The following CREB5 variants were observed in gnomAD, a reference collection of about 807,000 sequenced individuals.
CREB5 encodes cyclic AMP-responsive element-binding protein 5.
In CREB5, 19 loss-of-function variants were observed where a neutral mutation model predicts 57.1. The observed-to-expected ratio is 0.33, with a 90% CI of 0.23 to 0.49. The LOEUF (loss-of-function observed/expected upper bound fraction) is 0.49. Among genes scored for constraint, CREB5 ranks in the 20% least tolerant of loss-of-function variants. The pLI, the probability that CREB5 is intolerant of heterozygous loss-of-function variation, is 0.99. For synonymous variants in CREB5, 238 were observed against 238.3 expected, an observed-to-expected ratio of 1.00 and a Z score of 0.01; for missense variants, 579 against 671.6, an observed-to-expected ratio of 0.86 and a Z score of 1.52.
chr7:28,561,021 T>TGC (rs1230186047), intron 4 of CREB5, among the ~76,000 whole-genome samples: 572 of 43,120 alleles, frequency 0.013, 18 homozygotes, highest in Non-Finnish European at 0.016. Context: ...TGTGTGCGTG[T>TGC]GTGCGTGTGT....
chr7:28,323,222 C>A (rs1252741374), intron 1 of CREB5, among the ~76,000 whole-genome samples: 2 of 152,204 alleles, frequency 1.3e-5, no homozygotes, highest in African/African-American at 2.4e-5. Context: ...TATGTGCCTG[C>A]ACTTGGTTGG....
At chr7:28,345,370 G>T (rs920933073) in intron 1 of CREB5, among the ~76,000 whole-genome samples, 54 of 150,436 alleles carry the variant, frequency 3.6e-4, no homozygotes, top group African/African-American at 1.2e-3. Flanking sequence ...GACAAGTATT[G>T]TTTCCAACCA....
At chr7:28,345,689 A>G (rs573515644) in intron 1 of CREB5, among the ~76,000 whole-genome samples, 1 of 152,310 alleles carries the variant, frequency 6.6e-6, no homozygotes, top group East Asian at 1.9e-4. Flanking sequence ...GATGGTTAGC[A>G]CTGGGCAAGT....
intron 7 of CREB5, among the ~76,000 whole-genome samples, chr7:28,745,935 C>T (rs889411190): frequency 1.3e-5 from 2 of 152,206 alleles, no homozygotes; most frequent in African/African-American, 4.8e-5. Flanking sequence ...ACACGCACTT[C>T]CTCCAAGAAC....
At chr7:28,568,841 C>T (rs1795583957) in intron 4 of CREB5, among the ~76,000 whole-genome samples, 1 of 152,182 alleles carries the variant, frequency 6.6e-6, no homozygotes. Flanking sequence ...TATGTTATCA[C>T]CATCGTTTAA....
intron 5 of CREB5, among the ~76,000 whole-genome samples, chr7:28,607,777 GTGTGTGT>G (rs1797203093): frequency 7.5e-6 from 1 of 133,050 alleles, no homozygotes; most frequent in East Asian, 2.0e-4. Flanking sequence ...GTGTGTGTGT[GTGTGTGT>G]GTGTGTGTGT....
At chr7:28,371,695 G>C (rs1268350027) in intron 1 of CREB5, among the ~76,000 whole-genome samples, 1 of 152,078 alleles carries the variant, frequency 6.6e-6, no homozygotes, top group Admixed American at 6.5e-5. Context: ...CCCTCTTTTG[G>C]TCCTCCAGAT....
At chr7:28,529,780 C>T (rs945454329) in intron 4 of CREB5, among the ~76,000 whole-genome samples, 4 of 152,150 alleles carry the variant, frequency 2.6e-5, no homozygotes, top group Admixed American at 2.6e-4. Flanking sequence ...TCATGTTTTG[C>T]TTGTTTGTTT....
At chr7:28,556,881 T>C (rs964886135) in intron 4 of CREB5, among the ~76,000 whole-genome samples, 3 of 152,326 alleles carry the variant, frequency 2.0e-5, no homozygotes, top group African/African-American at 7.2e-5. Context: ...GTTGGCTGCT[T>C]TCTTTGACCA....
upstream of CREB5, chr7:28,409,793 GGAGCCGGCGCC>G (rs745699577): frequency 2.2e-6 from 1 of 446,556 alleles, no homozygotes; most frequent in South Asian, 1.6e-5. The surrounding 1 kb of genome is among the most constrained non-coding windows in gnomAD (Gnocchi z 4.4). Flanking sequence ...ATGCTAACGT[GGAGCCGGCGCC>G]GAGTCCGCCC....
intron 5 of CREB5, among the ~76,000 whole-genome samples, chr7:28,584,460 C>T (rs909282024): frequency 6.6e-6 from 1 of 152,054 alleles, no homozygotes; most frequent in African/African-American, 2.4e-5. Context: ...GACTCAGAGA[C>T]ACACAGGGAG....
At chr7:28,745,719 G>C (rs1290409395) in intron 7 of CREB5, among the ~76,000 whole-genome samples, 1 of 152,204 alleles carries the variant, frequency 6.6e-6, no homozygotes, top group Non-Finnish European at 1.5e-5. Context: ...CAACAGGCCG[G>C]AGCTGTCTAG....
chr7:28,420,824 A>AAAT (rs1645209762), intron 1 of CREB5, among the ~76,000 whole-genome samples: 1 of 150,296 alleles, frequency 6.7e-6, no homozygotes, highest in Admixed American at 6.6e-5. Context: ...AAAAAAAAAA[A>AAAT]AAAAAGGTTA....
chr7:28,309,961 T>TGG (rs34424899), intron 1 of CREB5, among the ~76,000 whole-genome samples: 84 of 151,832 alleles, frequency 5.5e-4, no homozygotes, highest in Non-Finnish European at 1.1e-3. Context: ...AAGGGCTAAG[T>TGG]GGGGGGTCCA....
chr7:28,793,779 G>C (rs1807867651), intron 7 of CREB5, among the ~76,000 whole-genome samples: 2 of 152,212 alleles, frequency 1.3e-5, no homozygotes, highest in African/African-American at 4.8e-5. Flanking sequence ...CAAAAGGACT[G>C]TTGTCATGAT....
intron 5 of CREB5, among the ~76,000 whole-genome samples, chr7:28,674,517 T>C (rs1800226741): frequency 6.6e-6 from 1 of 152,228 alleles, no homozygotes; most frequent in African/African-American, 2.4e-5. Context: ...TTACACTGCC[T>C]ATGGCCTTAA....
chr7:28,354,533 C>T (rs1786301970), intron 1 of CREB5, among the ~76,000 whole-genome samples: 1 of 152,130 alleles, frequency 6.6e-6, no homozygotes, highest in Admixed American at 6.5e-5. Flanking sequence ...TGAGTTAATG[C>T]TTAATAAACT....
At chr7:28,595,215 C>CTGCT (rs746129598) in intron 5 of CREB5, among the ~76,000 whole-genome samples, 15 of 152,024 alleles carry the variant, frequency 9.9e-5, no homozygotes, top group Admixed American at 3.3e-4. Flanking sequence ...AAGTCATGCC[C>CTGCT]TGCTACTAGA....
rs942255422 is a variant in CREB5, at chr7:28,823,442, T to C, written c.*4163T>C. The C allele has an allele frequency of 1.4e-4, 21 of 152,776 alleles. No individual in the cohort carries two copies. The East Asian group carries it at 2.9e-3, about 21-fold the overall frequency. 9.5% of individuals were successfully genotyped at this position (152,776 alleles called of 1,614,324 possible). On this transcript the variant is annotated 3_prime_UTR_variant, in exon 11 of 11. Transcript: ENST00000357727. ...AGTCCATAATAAACTACTATAGTTA[T>C]GTGTATTTTCATTTTTCAGGGTTTC...
Sources: allele counts gnomAD v4.1 joint callset (sites outside exome capture counted in the v4.1 genomes callset), GRCh38; gene constraint gnomAD v4.1.1; non-coding constraint Gnocchi (gnomAD v3.1); transcripts MANE v1.5; gene names NCBI Gene and HGNC (gene_info 2026-07-23, HGNC 2026-07-21).